Variants in AGBL4 observed in about 807,000 individuals in gnomAD.
AGBL4 encodes AGBL carboxypeptidase 4.
Under a neutral mutation model 66.4 loss-of-function variants are expected in AGBL4, and 58 were observed. The ratio of observed to expected loss-of-function variants is 0.87; its 90% CI spans 0.71 to 1.09. The LOEUF is 1.09. Among genes scored for constraint, AGBL4 ranks in the 50% least tolerant of loss-of-function variants. The pLI, the probability that AGBL4 is intolerant of heterozygous loss-of-function variation, is 0.00. For missense variants in AGBL4, 579 were observed against 631.0 expected (o/e 0.92, Z 0.88); for synonymous variants, 234 against 222.9 (o/e 1.05, Z -0.44).
At chr1:49,306,816 T>G (rs1644855846) in intron 3 of AGBL4, among the ~76,000 whole-genome samples, 1 of 152,204 alleles carries the variant, frequency 6.6e-6, no homozygotes, top group African/African-American at 2.4e-5. Context: ...TCAGTTTGAA[T>G]TGCTTTGAGA....
chr1:49,492,434 C>T (rs1647209144), intron 3 of AGBL4, among the ~76,000 whole-genome samples: 1 of 151,860 alleles, frequency 6.6e-6, no homozygotes, highest in Admixed American at 6.6e-5. Context: ...TTTCTAAACC[C>T]CACTTGACTG....
chr1:49,335,067 T>A (rs188084356), intron 3 of AGBL4, among the ~76,000 whole-genome samples: 1 of 152,348 alleles, frequency 6.6e-6, no homozygotes, highest in Non-Finnish European at 1.5e-5. Flanking sequence ...ACATATACAC[T>A]TTATTGTCTA....
intron 4 of AGBL4, among the ~76,000 whole-genome samples, chr1:49,152,431 A>T (rs1403627032): frequency 6.6e-6 from 1 of 152,192 alleles, no homozygotes; most frequent in African/African-American, 2.4e-5. Context: ...CTAAAAAAGC[A>T]TCCAGTCTCG....
intron 6 of AGBL4, among the ~76,000 whole-genome samples, chr1:48,712,865 T>C (rs779046898): frequency 6.6e-6 from 1 of 151,958 alleles, no homozygotes; most frequent in African/African-American, 2.4e-5. Flanking sequence ...AAAACAGGAG[T>C]GCACATGAGA....
chr1:49,095,031 A>ATC (rs1436868004), intron 4 of AGBL4, among the ~76,000 whole-genome samples: 1 of 152,180 alleles, frequency 6.6e-6, no homozygotes, highest in Non-Finnish European at 1.5e-5. Flanking sequence ...GCATTCTTAT[A>ATC]CACCAATAAC....
chr1:48,807,095 G>A (rs540082564), intron 6 of AGBL4, among the ~76,000 whole-genome samples: 1 of 152,272 alleles, frequency 6.6e-6, no homozygotes, highest in South Asian at 2.1e-4. Context: ...ACCTCCTCTA[G>A]GAAGCATTCT....
intron 3 of AGBL4, among the ~76,000 whole-genome samples, chr1:49,460,798 T>C (rs1407354732): frequency 6.6e-6 from 1 of 151,634 alleles, no homozygotes; most frequent in Non-Finnish European, 1.5e-5. Context: ...GTCTTGGGAG[T>C]GGTGAATACT....
chr1:50,021,400 C>T (rs991472124), intron 1 of AGBL4, among the ~76,000 whole-genome samples: 5 of 152,124 alleles, frequency 3.3e-5, no homozygotes, highest in African/African-American at 1.2e-4. Flanking sequence ...ACTGCCTTGT[C>T]AATCTCTCTG....
intron 3 of AGBL4, among the ~76,000 whole-genome samples, chr1:49,640,750 A>G (rs1305923571): frequency 2.0e-5 from 3 of 152,146 alleles, no homozygotes; most frequent in African/African-American, 7.2e-5. Flanking sequence ...AAATGAGAAC[A>G]TTTACTTATA....
At chr1:48,961,370 G>A (rs1430272248) in intron 5 of AGBL4, among the ~76,000 whole-genome samples, 1 of 152,174 alleles carries the variant, frequency 6.6e-6, no homozygotes, top group Non-Finnish European at 1.5e-5. Context: ...AGCACTGTTA[G>A]CTGAATCAAT....
At chr1:48,906,658 C>T (rs759634888) in intron 5 of AGBL4, among the ~76,000 whole-genome samples, 1 of 151,642 alleles carries the variant, frequency 6.6e-6, no homozygotes, top group Non-Finnish European at 1.5e-5. Flanking sequence ...GCAGATGGAG[C>T]GAGGGGAGCT....
chr1:48,898,075 T>C (rs1354766738), intron 5 of AGBL4, among the ~76,000 whole-genome samples: 2 of 152,198 alleles, frequency 1.3e-5, no homozygotes, highest in Non-Finnish European at 2.9e-5. Context: ...CCTCCCAAAG[T>C]GCTGGGATTA....
intron 3 of AGBL4, among the ~76,000 whole-genome samples, chr1:49,372,754 CTCTT>C (rs1285875642): frequency 1.4e-5 from 2 of 148,058 alleles, no homozygotes; most frequent in Non-Finnish European, 1.5e-5. Flanking sequence ...CTCTCTCTCT[CTCTT>C]TCTTTTCTTT....
chr1:50,018,256 C>T (rs1348405014), intron 1 of AGBL4, among the ~76,000 whole-genome samples: 1 of 151,938 alleles, frequency 6.6e-6, no homozygotes, highest in Admixed American at 6.6e-5. Context: ...CCCAACAGTT[C>T]TTAAATACAT....
At chr1:49,511,618 T>C (rs1342566082) in intron 3 of AGBL4, among the ~76,000 whole-genome samples, 1 of 151,488 alleles carries the variant, frequency 6.6e-6, no homozygotes, top group Admixed American at 6.6e-5. Flanking sequence ...AAAAAAATTT[T>C]TTTTTAAAAA....
At chr1:48,939,774 T>G (rs777125451) in intron 5 of AGBL4, among the ~76,000 whole-genome samples, 1 of 152,252 alleles carries the variant, frequency 6.6e-6, no homozygotes, top group Non-Finnish European at 1.5e-5. Context: ...GAGGGCATTC[T>G]GCTTTGGATC....
At chr1:49,282,604 A>G (rs1032037278) in intron 3 of AGBL4, among the ~76,000 whole-genome samples, 3 of 152,118 alleles carry the variant, frequency 2.0e-5, no homozygotes, top group Non-Finnish European at 2.9e-5. Flanking sequence ...TTTCCATCTG[A>G]GGTATCGGGT....
At chr1:49,141,032 A>T (rs538491612) in intron 4 of AGBL4, among the ~76,000 whole-genome samples, 19 of 152,322 alleles carry the variant, frequency 1.2e-4, no homozygotes, top group Admixed American at 4.6e-4. Context: ...AGGGAAACTC[A>T]GTTTTAATGG....
At chr1:48,560,490 G>A (rs1159168818) in intron 11 of AGBL4, among the ~76,000 whole-genome samples, 1 of 152,132 alleles carries the variant, frequency 6.6e-6, no homozygotes, top group Non-Finnish European at 1.5e-5. Context: ...ATGCCCCTGG[G>A]CTTTCTGAAG....
Sources: gnomAD v4.1 joint callset for allele counts (sites outside exome capture counted in the v4.1 genomes callset) on GRCh38, gnomAD v4.1.1 for gene constraint, MANE v1.5 for transcripts, NCBI Gene and HGNC (gene_info 2026-07-23, HGNC 2026-07-21) for gene names.